Variants in FAM83E observed in about 807,000 individuals in gnomAD.
FAM83E encodes the protein scaffolding CK1 anchoring protein E, also known as protein FAM83E.
In FAM83E, 29 loss-of-function variants were observed where a neutral mutation model predicts 34.3. The ratio of observed to expected loss-of-function variants is 0.85; its 90% CI spans 0.63 to 1.15. FAM83E has a LOEUF of 1.15. FAM83E is among the 50% of genes most tolerant of loss of function. The probability of loss-of-function intolerance (pLI) is 0.00; values close to 1 mark genes in which losing one functional copy is unlikely to be tolerated. For missense variants in FAM83E, 697 were observed against 685.0 expected (o/e 1.02, Z -0.20); for synonymous variants, 312 against 311.6 (o/e 1.00, Z -0.01).
At chr19:48,607,384 C>A in intron 5 of FAM83E, 1 of 1,539,318 alleles carries the variant, frequency 6.5e-7, no homozygotes, top group African/African-American at 1.4e-5. Context: ...TGGGACTGTT[C>A]TCCCAGATCC....
chr19:48,613,892 G>C lies in FAM83E; in HGVS notation c.-520C>G. On this transcript the variant is annotated 5_prime_UTR_variant, in exon 3 of 7. Coordinates refer to ENST00000263266, the MANE Select transcript of FAM83E (RefSeq NM_017708.4). The stretch of plus-strand genomic sequence containing the variant: ...TCTAATCACCCAAAGGTCCTTAAAG[G>C]CACGACAGGTTGCCTGCCTGCCCCC... 1 of 985,396 alleles carries C rather than the reference G, an allele frequency of 1.0e-6. No homozygotes were observed. Among genetic ancestry groups the C allele is most frequent in the Non-Finnish European group, 1.2e-6 (1 of 829,920 alleles). The allele number at this position is 985,396 out of a possible 1,614,324, so 61.0% of individuals were successfully genotyped here.
chr19:48,600,969 T>C lies in FAM83E; in HGVS notation c.*140A>G. On this transcript the variant is annotated 3_prime_UTR_variant, in exon 7 of 7. Transcript: ENST00000263266. ...CTCCCGGCCCAAGTTGCAGAACAAG[T>C]GACAAACATCCCTTCTGCTTGACAG... 1 of 1,459,568 alleles carries C rather than the reference T, an allele frequency of 6.9e-7. No individual in the cohort carries two copies. Among genetic ancestry groups the C allele is most frequent in the Non-Finnish European group, 9.0e-7 (1 of 1,113,092 alleles). The allele number at this position is 1,459,568 out of a possible 1,614,324, so 90.4% of individuals were successfully genotyped here. A position where few individuals can be genotyped will look rare whatever the true frequency, so the allele number is the denominator to read the frequency against.
chr19:48,613,075 AG>A lies in FAM83E; in HGVS notation c.297del (p.Tyr100ThrfsTer106). ...GGCTGCTCCGACTGCCCAGGCCAGT[AG>A]CTCAGGCTGCCCGCGTCCACATCGG... ...TTTDVDAGSL[S>X]YWPGQSEQPA... On this transcript the variant is annotated frameshift_variant, in exon 3 of 7. Transcript: ENST00000263266. LOFTEE classifies it high-confidence loss of function. 6.2e-7 allele frequency: 1 copy of A among 1,608,162 alleles called. No individual in the cohort carries two copies. Among genetic ancestry groups the A allele is most frequent in the South Asian group, 1.1e-5 (1 of 90,246 alleles).
Position 48,609,970 on chromosome 19 carries a change from T to C in FAM83E, c.664A>G (p.Ser222Gly), listed in dbSNP as rs1336094437. 1.2e-6 allele frequency: 2 copies of C among 1,612,900 alleles called. No individual in the cohort carries two copies. Among genetic ancestry groups the C allele is most frequent in the Admixed American group, 3.3e-5 (2 of 60,004 alleles). The change falls in exon 5 of 7, where the codon AGC (serine) becomes GGC (glycine). Residue 222 changes from serine (S) to glycine (G), a missense_variant. Coordinates refer to ENST00000263266, the MANE Select transcript of FAM83E (RefSeq NM_017708.4). ...TGCCGTCGCCAGCGGCTCTGGAAGCTGCAGCCCCGCACGACACGGACATCC... is the reference window on the plus strand; with the variant it reads ...TGCCGTCGCCAGCGGCTCTGGAAGCCGCAGCCCCGCACGACACGGACATCC... Reference protein sequence around the residue: ...NVDVRVVRGCSFQSRWRRQVS... With the variant: ...NVDVRVVRGCGFQSRWRRQVS...
At position 48,609,976 on chromosome 19, in the gene FAM83E, C is replaced by T; in HGVS notation, c.658G>A (p.Gly220Ser). Residue 220 changes from glycine to serine, a missense_variant, in exon 5 of 7, where the codon GGC becomes AGC. Transcript: ENST00000263266. Reference protein sequence around the residue: ...TENVDVRVVRGCSFQSRWRRQ... With the variant: ...TENVDVRVVRSCSFQSRWRRQ... ...CGCCAGCGGCTCTGGAAGCTGCAGCCCCGCACGACACGGACATCCACGTTC... is the reference window on the plus strand; with the variant it reads ...CGCCAGCGGCTCTGGAAGCTGCAGCTCCGCACGACACGGACATCCACGTTC... 1 of 1,612,692 alleles carries T rather than the reference C, an allele frequency of 6.2e-7. No homozygotes were observed. Among genetic ancestry groups the T allele is most frequent in the Non-Finnish European group, 8.5e-7 (1 of 1,180,004 alleles).
rs71179016 is a variant in FAM83E, at chr19:48,610,398, CAAAAAAAAAAAA to C, written c.633+270_633+281del. On this transcript the variant is annotated intron_variant, in intron 4 of 6. Transcript: ENST00000263266. Reference sequence around the variant, plus strand: ...TGGGCGACAAAGCAACACTCCGTCTCAAAAAAAAAAAAAAAAAAAAAAAAAAGAAGTATCTGT... The same window carrying C: ...TGGGCGACAAAGCAACACTCCGTCTCAAAAAAAAAAAAAAGAAGTATCTGT... 8.1e-3 allele frequency among the ~76,000 whole-genome samples: 255 copies of C among 31,366 alleles called. 6 individuals are homozygous for C. Among genetic ancestry groups the C allele is most frequent in the Admixed American group, 0.062 (191 of 3,098 alleles). 20.6% of individuals were successfully genotyped at this position (31,366 alleles called of 152,430 possible).
chr19:48,605,185 G>A (rs1444712009), intron 5 of FAM83E, among the ~76,000 whole-genome samples: 1 of 152,110 alleles, frequency 6.6e-6, no homozygotes, highest in Non-Finnish European at 1.5e-5. Flanking sequence ...AGACCCAGCT[G>A]CTTCCTAGAA....
rs369505013 is a variant in FAM83E, at chr19:48,601,151, C to T, written c.1395G>A (p.Pro465=). 4.0e-5 allele frequency: 64 copies of T among 1,612,932 alleles called. 1 individual carries two copies. Among genetic ancestry groups the T allele is most frequent in the Admixed American group, 8.4e-5 (5 of 59,848 alleles). The change falls in exon 7 of 7, where the codon CCG becomes CCA. Residue 465 remains proline (P), a synonymous_variant. Coordinates refer to ENST00000263266, the MANE Select transcript of FAM83E (RefSeq NM_017708.4). ...GTCCTGCCCGGGGGGCCCAGTCTGA[C>T]GGCCTGACGCCTCTGGGCTCTTGAA... is the stretch of plus-strand genomic sequence containing the variant. ...FKLQEPRGVR[P]SDWAPRAGLG... is the part of the protein sequence containing the mutation.
At chr19:48,610,641 G>C in intron 4 of FAM83E, 39 bp downstream of exon 4, 1 of 1,541,488 alleles carries the variant, frequency 6.5e-7, no homozygotes. Flanking sequence ...CCATGCCAGG[G>C]GAATGGGGAC....
At chr19:48,607,317 G>T in intron 5 of FAM83E, 1 of 1,596,328 alleles carries the variant, frequency 6.3e-7, no homozygotes. Flanking sequence ...GCCTGGCACT[G>T]GGGCTGGGTA....
Position 48,603,753 on chromosome 19 carries a change from T to C in FAM83E, c.917A>G (p.Gln306Arg), listed in dbSNP as rs1249198389. 3 of 1,561,618 alleles carry C rather than the reference T, an allele frequency of 1.9e-6. No individual in the cohort carries two copies. The highest frequency in any genetic ancestry group is 2.6e-6 in the Non-Finnish European group (3 of 1,159,434). ...CACGCGGTGCGGGCTGCGGCCCCGC[T>C]GCAGGCCACCTATGACCGAGGGTTT... is the stretch of plus-strand genomic sequence containing the variant. ...PQKPSVIGGL[Q>R]RGRSPHRVSR... The change falls in exon 6 of 7, where the codon CAG (glutamine) becomes CGG (arginine). Residue 306 changes from glutamine to arginine, a missense_variant. Transcript: ENST00000263266.
intron 3 of FAM83E, among the ~76,000 whole-genome samples, chr19:48,612,471 C>T (rs1404400944): frequency 6.6e-6 from 1 of 150,426 alleles, no homozygotes; most frequent in Non-Finnish European, 1.5e-5. Flanking sequence ...GTGGCTTGAT[C>T]TTGGCTCACT....
In FAM83E at chr19:48,601,095, G is replaced by A; in HGVS notation, c.*14C>T. The A allele has an allele frequency of 1.9e-6, 3 of 1,601,692 alleles. No homozygotes were observed. Among genetic ancestry groups the A allele is most frequent in the African/African-American group, 1.3e-5 (1 of 74,522 alleles). On this transcript the variant is annotated 3_prime_UTR_variant, in exon 7 of 7. Transcript: ENST00000263266. ...CTCCTTGGGTGGGCCAGCAGATTTG[G>A]CTTGGGCTCCTGTTCAGGGTTGCCC...
chr19:48,612,406 CTTTT>C (rs922905255), intron 3 of FAM83E, among the ~76,000 whole-genome samples: 1 of 140,634 alleles, frequency 7.1e-6, no homozygotes, highest in Non-Finnish European at 1.6e-5. Flanking sequence ...CCATTTCTTT[CTTTT>C]TTTTTTTTTA....
chr19:48,612,846 A>G (rs1974068817), intron 3 of FAM83E, 62 bp downstream of exon 3: 3 of 1,465,188 alleles, frequency 2.0e-6, no homozygotes, highest in Non-Finnish European at 2.7e-6. Flanking sequence ...AGGACAAGGG[A>G]GAGAATGCCT....
rs1256992452 is a variant in FAM83E, at chr19:48,601,359, G to T, written c.1187C>A (p.Ser396Tyr). ...SSDGDNELKK[S>Y]WGSKDTPAKA... Reference sequence around the variant, plus strand: ...GGCTGGAGTGTCCTTGGAGCCCCAGGATTTCTTGAGCTGTGGAGGGAAAGA... The same window carrying T: ...GGCTGGAGTGTCCTTGGAGCCCCAGTATTTCTTGAGCTGTGGAGGGAAAGA... Residue 396 changes from serine to tyrosine, a missense_variant, in exon 7 of 7, where the codon TCC (serine) becomes TAC (tyrosine). Transcript: ENST00000263266. 2.6e-6 allele frequency: 4 copies of T among 1,562,540 alleles called. No individual in the cohort carries two copies. The highest frequency in any genetic ancestry group is 2.4e-5 in the East Asian group (1 of 41,998).
rs747479109 is a variant in FAM83E, at chr19:48,601,404, TGG to T, written c.1177-37_1177-36del. On this transcript the variant is annotated intron_variant, in intron 6 of 6. Coordinates refer to ENST00000263266, the MANE Select transcript of FAM83E (RefSeq NM_017708.4). The stretch of plus-strand genomic sequence containing the variant: ...GAAAGAGAGGGAGGTGAGAGGAGGC[TGG>T]GGTGGGGCCCTGGGGGCATCCCAGA... The T allele has an allele frequency of 7.7e-6, 12 of 1,552,076 alleles. No homozygotes were observed. The South Asian group carries it at 1.4e-4, about 18-fold the overall frequency.
rs768538243 is a variant in FAM83E, at chr19:48,603,589, G to C, written c.1081C>G (p.Arg361Gly). The change falls in exon 6 of 7, where the codon CGG becomes GGG. Residue 361 changes from arginine to glycine, a missense_variant. Transcript: ENST00000263266. ...SDILRSVQRA[R>G]TPSGPPARPS... is the part of the protein sequence containing the mutation. ...CGGGCCGGGGGGCCGCTGGGGGTCC[G>C]GGCGCGCTGCACACTCCTTAGAATG... 10 of 1,543,446 alleles carry C rather than the reference G, an allele frequency of 6.5e-6. No homozygotes were observed. Among genetic ancestry groups the C allele is most frequent in the Non-Finnish European group, 8.7e-6 (10 of 1,154,158 alleles).
At position 48,603,165 on chromosome 19, in the gene FAM83E, A is replaced by G. The variant is rs146867314; in HGVS notation, c.1176+329T>C. Among the ~76,000 whole-genome samples, 273 of 152,104 alleles carry G rather than the reference A, an allele frequency of 1.8e-3. 1 individual carries two copies. The highest frequency in any genetic ancestry group is 6.3e-3 in the African/African-American group (260 of 41,490). On this transcript the variant is annotated intron_variant, in intron 6 of 6. Coordinates refer to ENST00000263266, the MANE Select transcript of FAM83E (RefSeq NM_017708.4). Reference sequence around the variant, plus strand: ...TCCTCCCCCAACCAAACTCGGAATGAGTGCCCTTGCTCTGCTCCTTCCTAG... The same window carrying G: ...TCCTCCCCCAACCAAACTCGGAATGGGTGCCCTTGCTCTGCTCCTTCCTAG...
Sources: gnomAD v4.1 joint callset for allele counts (sites outside exome capture counted in the v4.1 genomes callset) on GRCh38, gnomAD v4.1.1 for gene constraint, MANE v1.5 for transcripts, NCBI Gene and HGNC (gene_info 2026-07-23, HGNC 2026-07-21) for gene names.